HSPA12A: variants seen among roughly 807,000 people sequenced by gnomAD.
HSPA12A encodes heat shock protein family A (Hsp70) member 12A.
HSPA12A carries 28 observed loss-of-function variants against 69.2 expected under a neutral mutation model. The observed-to-expected ratio is 0.40, with a 90% CI of 0.30 to 0.55. The LOEUF (loss-of-function observed/expected upper bound fraction) is 0.55, where lower values mean the gene tolerates loss of function less well. Ranked by LOEUF, HSPA12A falls within the 20% of genes least tolerant of loss-of-function variation. The probability of loss-of-function intolerance (pLI) is 0.38; values close to 1 mark genes in which losing one functional copy is unlikely to be tolerated. For synonymous variants in HSPA12A, 345 were observed against 370.5 expected (o/e 0.93, Z 0.79); for missense variants, 686 against 900.7 (o/e 0.76, Z 3.05).
At position 116,780,648 on chromosome 10, in the gene HSPA12A, C is replaced by T. The variant is rs188476983; in HGVS notation, c.91+54287G>A. 2.0e-3 allele frequency among the ~76,000 whole-genome samples: 302 copies of T among 152,026 alleles called. 1 individual carries two copies. Among genetic ancestry groups the T allele is most frequent in the African/African-American group, 7.0e-3 (290 of 41,446 alleles). On this transcript the variant is annotated intron_variant, in intron 2 of 12. Coordinates refer to the HSPA12A transcript ENST00000635765. ...TAAACCAGGTAGGATTACCAGGGAA[C>T]CTAATTATTTGTTAATACGATTATC...
chr10:116,685,795 CCAG>C, intron 6 of HSPA12A, among the ~76,000 whole-genome samples: 1 of 152,130 alleles, frequency 6.6e-6, no homozygotes, highest in East Asian at 1.9e-4. Flanking sequence ...ACTGATACTA[CCAG>C]CAGGCAGGTG....
rs1850396319 is a variant in HSPA12A, at chr10:116,710,694, A to C, written c.41-3409T>G. The stretch of plus-strand genomic sequence containing the variant: ...GTGCAATGATTGAAAACTGATCTGC[A>C]CAGAAGGTATGGAGGGGTAACATTT... On this transcript the variant is annotated intron_variant, in intron 1 of 11. Coordinates refer to ENST00000369209, the MANE Select transcript of HSPA12A (RefSeq NM_025015.3). This position sits in a 1 kb window ranked among gnomAD's most constrained non-coding sequence, Gnocchi z 4.1. Among the ~76,000 whole-genome samples, 1 of 152,252 alleles carries C rather than the reference A, an allele frequency of 6.6e-6. No individual in the cohort carries two copies. The highest frequency in any genetic ancestry group is 2.4e-5 in the African/African-American group (1 of 41,474).
At position 116,726,027 on chromosome 10, in the gene HSPA12A, G is replaced by GCGCGCGCACA. The variant is rs140160132; in HGVS notation, c.40+16402_40+16403insTGTGCGCGCG. Among the ~76,000 whole-genome samples, 592 of 146,216 alleles carry GCGCGCGCACA rather than the reference G, an allele frequency of 4.0e-3. 5 individuals carry two copies. Among genetic ancestry groups the GCGCGCGCACA allele is most frequent in the Non-Finnish European group, 5.9e-3 (394 of 67,036 alleles). On this transcript the variant is annotated intron_variant, in intron 1 of 11. Transcript: ENST00000369209. ...ACAAGGTTTAGACACACACACACAC[G>GCGCGCGCACA]CACACACACACACACACACACACAC...
intron 1 of HSPA12A, among the ~76,000 whole-genome samples, chr10:116,731,129 T>C (rs1474910592): frequency 1.3e-5 from 2 of 152,276 alleles, no homozygotes; most frequent in Non-Finnish European, 2.9e-5. Flanking sequence ...GCCCCGGAGT[T>C]GGTCCTTGTG....
At chr10:116,801,856 G>T (rs1844963953) in intron 2 of HSPA12A, among the ~76,000 whole-genome samples, 1 of 152,182 alleles carries the variant, frequency 6.6e-6, no homozygotes, top group Admixed American at 6.5e-5. Flanking sequence ...TAGGTGGGAA[G>T]CCATCTCTGG....
At chr10:116,755,800 T>A (rs1463863542) in intron 2 of HSPA12A, among the ~76,000 whole-genome samples, 1 of 66,198 alleles carries the variant, frequency 1.5e-5, no homozygotes, top group African/African-American at 5.2e-5. Flanking sequence ...AAACCCCATC[T>A]CTACCAAAAA....
At position 116,686,816 on chromosome 10, in the gene HSPA12A, C is replaced by A. The variant is rs1473327375; in HGVS notation, c.664-2854G>T. Among the ~76,000 whole-genome samples the A allele has an allele frequency of 6.6e-6, 1 of 150,720 alleles. No individual in the cohort carries two copies. On this transcript the variant is annotated intron_variant, in intron 6 of 11. Transcript: ENST00000369209. The surrounding 1 kb of genome is among the most constrained non-coding windows in gnomAD (Gnocchi z 4.1). ...CCCTCTTCCCACACCATAAGCTCCACCCCCACCCCTTCCCAAACCATAAGC... is the reference window on the plus strand; with the variant it reads ...CCCTCTTCCCACACCATAAGCTCCAACCCCACCCCTTCCCAAACCATAAGC...
At chr10:116,740,906 C>A (rs868966660) in intron 1 of HSPA12A, among the ~76,000 whole-genome samples, 1 of 145,406 alleles carries the variant, frequency 6.9e-6, no homozygotes, top group South Asian at 2.1e-4. Flanking sequence ...AGCAATTCAA[C>A]GCCCCTACTT....
intron 1 of HSPA12A, among the ~76,000 whole-genome samples, chr10:116,722,885 G>T (rs1239518152): frequency 3.9e-5 from 6 of 152,190 alleles, no homozygotes; most frequent in Non-Finnish European, 5.9e-5. Context: ...CATCCCTGAA[G>T]GGGGTGGGGG....
intron 2 of HSPA12A, among the ~76,000 whole-genome samples, chr10:116,797,361 G>A (rs1364859231): frequency 2.0e-5 from 3 of 152,138 alleles, no homozygotes; most frequent in African/African-American, 7.2e-5. Context: ...ACTAGGGGGT[G>A]GCAGAAGGAC....
At chr10:116,825,785 G>A (rs186207557) in intron 2 of HSPA12A, among the ~76,000 whole-genome samples, 95 of 152,278 alleles carry the variant, frequency 6.2e-4, no homozygotes, top group African/African-American at 2.1e-3. Context: ...TGATCATGGT[G>A]ATGGTTGCAC....
chr10:116,742,238 G>T (rs552717204), intron 1 of HSPA12A, among the ~76,000 whole-genome samples, 192 bp downstream of exon 1: 547 of 151,938 alleles, frequency 3.6e-3, no homozygotes, highest in Non-Finnish European at 5.7e-3. Flanking sequence ...CCCGCGGGCC[G>T]TCTCCGGTCC....
At chr10:116,733,998 T>C (rs1332930071) in intron 1 of HSPA12A, among the ~76,000 whole-genome samples, 5 of 152,116 alleles carry the variant, frequency 3.3e-5, no homozygotes, top group Non-Finnish European at 7.4e-5. Context: ...AATAACAGGA[T>C]TCATGAGGAA....
intron 2 of HSPA12A, among the ~76,000 whole-genome samples, chr10:116,795,347 T>C (rs1169073266): frequency 6.6e-6 from 1 of 152,198 alleles, no homozygotes; most frequent in Non-Finnish European, 1.5e-5. Context: ...AATGTAGTTT[T>C]ACATTTATAG....
chr10:116,712,435 G>A (rs1850463844), intron 1 of HSPA12A, among the ~76,000 whole-genome samples: 1 of 152,186 alleles, frequency 6.6e-6, no homozygotes, highest in African/African-American at 2.4e-5. Flanking sequence ...CCAGGCAATT[G>A]AGGAGGAACT....
intron 2 of HSPA12A, among the ~76,000 whole-genome samples, chr10:116,705,935 G>A (rs186114292): frequency 0.035 from 4,627 of 132,042 alleles, 267 homozygotes; most frequent in African/African-American, 0.12. Flanking sequence ...TCGCTCTGTC[G>A]CCCAGGCTGG....
upstream of HSPA12A, among the ~76,000 whole-genome samples, chr10:116,744,124 C>G (rs1378643343): frequency 6.6e-6 from 1 of 152,192 alleles, no homozygotes; most frequent in African/African-American, 2.4e-5. Flanking sequence ...TCTGGTCTGT[C>G]CCCACCCTAC....
intron 2 of HSPA12A, among the ~76,000 whole-genome samples, chr10:116,816,269 A>G (rs949794773): frequency 6.6e-5 from 10 of 152,236 alleles, no homozygotes; most frequent in Non-Finnish European, 1.0e-4. Context: ...TGCCCCTGAC[A>G]GACGAGTGAC....
Position 116,675,338 on chromosome 10 carries a change from G to T in HSPA12A, c.1471C>A (p.Gln491Lys), listed in dbSNP as rs1554877514. The T allele has an allele frequency of 6.2e-7, 1 of 1,612,904 alleles. No individual in the cohort carries two copies. Among genetic ancestry groups the T allele is most frequent in the Admixed American group, 1.7e-5 (1 of 59,964 alleles). ...CCAAAAGCAGCCTGCACCGCCTGCT[G>T]CAGCAGGGGCGCCTCGGCAAAGCCG... is the stretch of plus-strand genomic sequence containing the variant. ...VGGFAEAPLL[Q>K]QAVQAAFGDQ... The change falls in exon 12 of 12, where the codon CAG (glutamine) becomes AAG (lysine). Residue 491 changes from glutamine to lysine, a missense_variant. Coordinates refer to ENST00000369209, the MANE Select transcript of HSPA12A (RefSeq NM_025015.3). The surrounding 1 kb of genome is among the most constrained non-coding windows in gnomAD (Gnocchi z 5.2).
Sources: gnomAD v4.1 joint callset for allele counts (sites outside exome capture counted in the v4.1 genomes callset) on GRCh38, gnomAD v4.1.1 for gene constraint, Gnocchi (gnomAD v3.1) non-coding constraint, MANE v1.5 for transcripts, NCBI Gene and HGNC (gene_info 2026-07-23, HGNC 2026-07-21) for gene names.